SOX5: variants seen among roughly 807,000 people sequenced by gnomAD.
SOX5 encodes transcription factor SOX-5.
In SOX5, 9 loss-of-function variants were observed where a neutral mutation model predicts 92.0. The observed-to-expected ratio is 0.10, with a 90% CI of 0.06 to 0.17. SOX5 has a LOEUF of 0.17. SOX5 is among the 10% of genes least tolerant of loss of function. SOX5 has a pLI of 1.00. For missense variants in SOX5, 642 were observed against 944.5 expected (o/e 0.68, Z 4.20); for synonymous variants, 344 against 336.3 (o/e 1.02, Z -0.25).
intron 6 of SOX5, among the ~76,000 whole-genome samples, chr12:23,671,311 A>T (rs150447112): frequency 6.6e-6 from 1 of 152,254 alleles, no homozygotes; most frequent in African/African-American, 2.4e-5. Context: ...GTTCCTCAAG[A>T]GTTTAGTCTG....
intron 4 of SOX5, among the ~76,000 whole-genome samples, chr12:24,151,739 G>C (rs1302583273): frequency 6.6e-6 from 1 of 152,112 alleles, no homozygotes; most frequent in Non-Finnish European, 1.5e-5. Flanking sequence ...TCAAGCTTGG[G>C]TTGGAAGTTG....
intron 3 of SOX5, among the ~76,000 whole-genome samples, chr12:23,818,056 A>G (rs574470736): frequency 6.6e-6 from 1 of 152,342 alleles, no homozygotes; most frequent in East Asian, 1.9e-4. Context: ...TAAAACACGA[A>G]TCATAAGGTA....
chr12:24,327,760 G>A (rs1247105593), intron 2 of SOX5, among the ~76,000 whole-genome samples: 1 of 151,620 alleles, frequency 6.6e-6, no homozygotes, highest in Non-Finnish European at 1.5e-5. Context: ...ATTTTTTTAT[G>A]TGTGTGTGTT....
chr12:23,987,488 GCAA>G (rs1190668875), intron 4 of SOX5, among the ~76,000 whole-genome samples: 1 of 152,098 alleles, frequency 6.6e-6, no homozygotes, highest in Non-Finnish European at 1.5e-5. Flanking sequence ...TCTTAGAGAG[GCAA>G]CCACAACTCC....
chr12:23,959,864 A>G (rs1946696844), intron 4 of SOX5, among the ~76,000 whole-genome samples: 1 of 152,222 alleles, frequency 6.6e-6, no homozygotes, highest in Non-Finnish European at 1.5e-5. Flanking sequence ...CAGCTTGGTA[A>G]AATATAAAAA....
rs533192205 is a variant in SOX5 at position 24,223,346 on chromosome 12, G to A, written c.-76-9929C>T. 5.3e-5 allele frequency: 8 copies of A among 152,326 alleles called. No homozygotes were observed. In the South Asian group the frequency reaches 1.7e-3, roughly 32 times the overall value. 9.4% of individuals were successfully genotyped at this position (152,326 alleles called of 1,614,324 possible). A position where few individuals can be genotyped will look rare whatever the true frequency, so the allele number is the denominator to read the frequency against. ...AAGGTATTGAATAACCAAAGTCAAA[G>A]AGTCAGAAAATATTCATTGTCTTTG... On this transcript the variant is annotated intron_variant, in intron 3 of 4. Coordinates refer to the SOX5 transcript ENST00000446891.
At chr12:24,115,966 T>C (rs1947944933) in intron 4 of SOX5, among the ~76,000 whole-genome samples, 1 of 152,162 alleles carries the variant, frequency 6.6e-6, no homozygotes, top group South Asian at 2.1e-4. Context: ...TATCTTCCTG[T>C]AGGAGAATAG....
rs1594117588 is a variant in SOX5, at chr12:24,192,829, C to T, written c.-2+20514G>A. Among the ~76,000 whole-genome samples, 3 of 152,286 alleles carry T rather than the reference C, an allele frequency of 2.0e-5. No individual in the cohort carries two copies. In the South Asian group the frequency reaches 6.2e-4, roughly 32 times the overall value. ...TCTTCCCTGTCCTCCAGCCTCTTCC[C>T]CCAGGTAAAGGAGAGCAGGTATGTT... On this transcript the variant is annotated intron_variant, in intron 4 of 4. Transcript: ENST00000446891.
intron 2 of SOX5, among the ~76,000 whole-genome samples, chr12:24,358,432 G>T (rs1303838105): frequency 6.6e-6 from 1 of 151,958 alleles, no homozygotes; most frequent in African/African-American, 2.4e-5. Flanking sequence ...TCTTTGTTTT[G>T]TATCTTTCCC....
At chr12:23,845,335 T>G (rs953095438) in intron 3 of SOX5, among the ~76,000 whole-genome samples, 1 of 152,168 alleles carries the variant, frequency 6.6e-6, no homozygotes, top group Admixed American at 6.6e-5. Context: ...ATGCATAAGT[T>G]TGTACAATTT....
At chr12:24,090,167 G>A (rs763718191) in intron 4 of SOX5, among the ~76,000 whole-genome samples, 8 of 152,002 alleles carry the variant, frequency 5.3e-5, no homozygotes, top group Non-Finnish European at 1.2e-4. Flanking sequence ...TTTATTAAAA[G>A]CCTATTAAAA....
intron 11 of SOX5, among the ~76,000 whole-genome samples, chr12:23,562,713 TATA>T (rs1946424687): frequency 6.6e-6 from 1 of 152,230 alleles, no homozygotes; most frequent in South Asian, 2.1e-4. Context: ...TGGCCTTAGT[TATA>T]ATACAAATAA....
At chr12:24,265,365 C>T (rs1942851141) in intron 3 of SOX5, among the ~76,000 whole-genome samples, 1 of 151,990 alleles carries the variant, frequency 6.6e-6, no homozygotes, top group Admixed American at 6.6e-5. Flanking sequence ...AACATGGCAA[C>T]ACTCCGTCTC....
chr12:23,758,093 A>G (rs2094455101), intron 3 of SOX5, among the ~76,000 whole-genome samples: 5 of 151,622 alleles, frequency 3.3e-5, no homozygotes, highest in Admixed American at 3.3e-4. Flanking sequence ...ACATATCTAA[A>G]TCACGGTTGT....
intron 4 of SOX5, among the ~76,000 whole-genome samples, chr12:24,126,868 TC>T: frequency 6.6e-6 from 1 of 152,074 alleles, no homozygotes; most frequent in African/African-American, 2.4e-5. Flanking sequence ...CACAAATGTC[TC>T]CCTATATGGA....
Position 24,397,716 on chromosome 12 carries a change from A to G in SOX5, c.-250-29077T>C, listed in dbSNP as rs1381683943. On this transcript the variant is annotated intron_variant, in intron 1 of 4. Coordinates refer to the SOX5 transcript ENST00000446891. ...TAAAATGTCAGGAAGGGTCCCAAAC[A>G]TCACAAATCCAGAAAAAAAATAGAT... Among the ~76,000 whole-genome samples, 5 of 152,234 alleles carry G rather than the reference A, an allele frequency of 3.3e-5. No individual in the cohort carries two copies. In the South Asian group the frequency reaches 8.3e-4, roughly 25 times the overall value.
intron 4 of SOX5, among the ~76,000 whole-genome samples, chr12:23,748,494 T>C (rs916203788): frequency 1.3e-5 from 2 of 151,996 alleles, no homozygotes; most frequent in African/African-American, 4.8e-5. Flanking sequence ...AATAGATAAA[T>C]GGCTTGAAAT....
intron 11 of SOX5, among the ~76,000 whole-genome samples, chr12:23,560,865 A>G (rs1946087045): frequency 6.6e-6 from 1 of 152,218 alleles, no homozygotes; most frequent in South Asian, 2.1e-4. Flanking sequence ...AAAGAGTTTC[A>G]ATAATCTCAA....
intron 3 of SOX5, among the ~76,000 whole-genome samples, chr12:23,824,839 T>C (rs2096198299): frequency 6.6e-6 from 1 of 152,192 alleles, no homozygotes; most frequent in Non-Finnish European, 1.5e-5. Context: ...TGCCGAGCTG[T>C]GGTGGGCTCT....
Sources: gnomAD v4.1 joint callset for allele counts (sites outside exome capture counted in the v4.1 genomes callset) on GRCh38, gnomAD v4.1.1 for gene constraint, MANE v1.5 for transcripts, NCBI Gene and HGNC (gene_info 2026-07-23, HGNC 2026-07-21) for gene names.